The following FHIT variants were observed in gnomAD, a reference collection of about 807,000 sequenced individuals.
The protein encoded by FHIT is bis(5'-adenosyl)-triphosphatase.
A neutral mutation model predicts 17.9 loss-of-function variants in FHIT; 19 were observed. The observed-to-expected ratio is 1.06, with a 90% CI of 0.74 to 1.56. The LOEUF (loss-of-function observed/expected upper bound fraction) is 1.56, where lower values mean the gene tolerates loss of function less well. Among genes scored for constraint, FHIT ranks in the 40% most tolerant of loss-of-function variants. FHIT has a pLI of 0.00. For missense variants in FHIT, 248 were observed against 189.2 expected (o/e 1.31, Z -1.82); for synonymous variants, 81 against 69.7 (o/e 1.16, Z -0.81).
chr3:60,603,475 A>T (rs1276935723), intron 4 of FHIT, among the ~76,000 whole-genome samples: 5 of 151,110 alleles, frequency 3.3e-5, no homozygotes, highest in African/African-American at 1.2e-4. Context: ...GATGTTTAGA[A>T]CGATGCTCTT....
chr3:60,370,425 T>C (rs2107053993), intron 5 of FHIT, among the ~76,000 whole-genome samples: 1 of 152,288 alleles, frequency 6.6e-6, no homozygotes, highest in East Asian at 1.9e-4. Context: ...TTCACTAGTG[T>C]CAATTCACTA....
intron 1 of FHIT, among the ~76,000 whole-genome samples, chr3:61,216,134 T>A (rs931721609): frequency 6.6e-6 from 1 of 152,118 alleles, no homozygotes; most frequent in African/African-American, 2.4e-5. Context: ...AAAGCCAAAA[T>A]TGACAAATGG....
chr3:60,967,136 T>C (rs540581606), intron 3 of FHIT, among the ~76,000 whole-genome samples: 5 of 152,224 alleles, frequency 3.3e-5, no homozygotes, highest in Non-Finnish European at 5.9e-5. Flanking sequence ...TATTGTAAAT[T>C]GCTTTATTCA....
intron 4 of FHIT, among the ~76,000 whole-genome samples, chr3:60,639,759 G>C (rs2039679621): frequency 6.6e-6 from 1 of 152,194 alleles, no homozygotes; most frequent in Non-Finnish European, 1.5e-5. Flanking sequence ...ATGTAGGATG[G>C]AAGAAAGAGT....
chr3:60,065,044 G>C (rs1369731727), intron 5 of FHIT, among the ~76,000 whole-genome samples: 1 of 152,128 alleles, frequency 6.6e-6, no homozygotes, highest in Non-Finnish European at 1.5e-5. Context: ...ATTCATTCCT[G>C]ATTCAAGTCT....
intron 5 of FHIT, among the ~76,000 whole-genome samples, chr3:60,179,302 G>A (rs1354676041): frequency 1.3e-5 from 2 of 152,136 alleles, no homozygotes; most frequent in Non-Finnish European, 2.9e-5. Flanking sequence ...GGCAGGGCAG[G>A]GATTTGAAAG....
At chr3:60,882,546 T>C (rs1277551433) in intron 3 of FHIT, among the ~76,000 whole-genome samples, 3 of 152,184 alleles carry the variant, frequency 2.0e-5, no homozygotes, top group African/African-American at 7.2e-5. Flanking sequence ...ATCCCAGCGA[T>C]GCAAGGACGG....
At chr3:60,512,313 G>C (rs2034982261) in intron 5 of FHIT, among the ~76,000 whole-genome samples, 1 of 152,108 alleles carries the variant, frequency 6.6e-6, no homozygotes, top group South Asian at 2.1e-4. Context: ...ATTGCTAAAA[G>C]ACAGCCAGTC....
intron 5 of FHIT, among the ~76,000 whole-genome samples, chr3:60,428,934 G>T (rs964429727): frequency 9.2e-5 from 14 of 152,102 alleles, no homozygotes; most frequent in Admixed American, 6.6e-5. Context: ...AATTGGATAT[G>T]CTTGACAACT....
At chr3:59,864,267 G>T (rs1245148223) in intron 8 of FHIT, among the ~76,000 whole-genome samples, 1 of 152,112 alleles carries the variant, frequency 6.6e-6, no homozygotes, top group Non-Finnish European at 1.5e-5. Flanking sequence ...AATCATGGGG[G>T]CTGGTCTGGC....
At chr3:60,050,704 T>C (rs1285497168) in intron 5 of FHIT, among the ~76,000 whole-genome samples, 1 of 152,206 alleles carries the variant, frequency 6.6e-6, no homozygotes, top group Non-Finnish European at 1.5e-5. Context: ...TTGCTCACCA[T>C]CTTTTTCTGG....
intron 2 of FHIT, among the ~76,000 whole-genome samples, chr3:61,110,432 C>T (rs2036124233): frequency 6.6e-6 from 1 of 152,180 alleles, no homozygotes; most frequent in Non-Finnish European, 1.5e-5. Context: ...CCAGCCCCCA[C>T]CTCCACCCTC....
At chr3:59,969,803 A>C (rs531620839) in intron 7 of FHIT, among the ~76,000 whole-genome samples, 1 of 152,130 alleles carries the variant, frequency 6.6e-6, no homozygotes, top group African/African-American at 2.4e-5. Flanking sequence ...TTTTCTTGAA[A>C]GTAAAATAAC....
At chr3:60,689,390 A>C (rs1465971012) in intron 4 of FHIT, among the ~76,000 whole-genome samples, 1 of 152,344 alleles carries the variant, frequency 6.6e-6, no homozygotes, top group East Asian at 1.9e-4. Context: ...CCTAAACAAT[A>C]CAACTATTTA....
At chr3:61,049,254 T>C (rs999796532) in intron 2 of FHIT, among the ~76,000 whole-genome samples, 2 of 151,354 alleles carry the variant, frequency 1.3e-5, no homozygotes, top group African/African-American at 4.8e-5. Flanking sequence ...AAATAGAAGT[T>C]ATTAGGCATT....
At chr3:60,043,460 T>C (rs566900032) in intron 5 of FHIT, among the ~76,000 whole-genome samples, 5 of 152,324 alleles carry the variant, frequency 3.3e-5, no homozygotes, top group South Asian at 4.1e-4. Context: ...CTGATATTAC[T>C]AGCTCCATTT....
At chr3:60,780,534 A>G (rs1700349792) in intron 4 of FHIT, among the ~76,000 whole-genome samples, 2 of 152,266 alleles carry the variant, frequency 1.3e-5, no homozygotes, top group East Asian at 3.9e-4. Context: ...ATAGTTTCTA[A>G]TAACCTGGTT....
At chr3:61,247,584 G>A (rs1296641940) in intron 1 of FHIT, among the ~76,000 whole-genome samples, 3 of 152,218 alleles carry the variant, frequency 2.0e-5, no homozygotes, top group Admixed American at 2.0e-4. Context: ...GCCCACACAA[G>A]AGAGTGTCAC....
intron 7 of FHIT, among the ~76,000 whole-genome samples, chr3:59,990,417 C>T (rs1559528236): frequency 6.6e-6 from 1 of 151,972 alleles, no homozygotes; most frequent in Non-Finnish European, 1.5e-5. Flanking sequence ...AAACATGAAT[C>T]TTAAAAATAC....
Sources: gnomAD v4.1 joint callset for allele counts (sites outside exome capture counted in the v4.1 genomes callset) on GRCh38, gnomAD v4.1.1 for gene constraint, MANE v1.5 for transcripts, NCBI Gene and HGNC (gene_info 2026-07-23, HGNC 2026-07-21) for gene names.